DUSP6: variants seen among roughly 807,000 people sequenced by gnomAD.
The protein encoded by DUSP6 is dual specificity protein phosphatase 6.
Under a neutral mutation model 28.0 loss-of-function variants are expected in DUSP6, and 6 were observed. The ratio of observed to expected loss-of-function variants is 0.21; its 90% CI spans 0.12 to 0.42. DUSP6 has a LOEUF of 0.42. Among genes scored for constraint, DUSP6 ranks in the 10% least tolerant of loss-of-function variants. DUSP6 has a pLI of 1.00. For missense variants in DUSP6, 451 were observed against 498.1 expected, an observed-to-expected ratio of 0.91 and a Z score of 0.90; for synonymous variants, 252 against 217.5, an observed-to-expected ratio of 1.16 and a Z score of -1.40.
chr12:89,351,870 G>A lies in DUSP6; in HGVS notation c.170C>T (p.Ala57Val), dbSNP rs1456873830. The change falls in exon 1 of 3, where the codon GCC becomes GTC. Residue 57 changes from alanine to valine, a missense_variant. Physicochemically the swap from Ala to Val is moderately conservative, Grantham distance 64. Around this residue, in one of 2 missense-constraint regions of DUSP6, gnomAD observed 347 missense variants for 346.6 expected, o/e 1.00. Coordinates refer to ENST00000279488, the MANE Select transcript of DUSP6 (RefSeq NM_001946.4). The stretch of plus-strand genomic sequence containing the variant: ...GCGCCGCAGCATGATGCCCGGGATG[G>A]CCACGTTGATGGCCGACTCGATGTG... Reference protein sequence around the residue: ...SSHIESAINVAIPGIMLRRLQ... With the variant: ...SSHIESAINVVIPGIMLRRLQ... 1.2e-6 allele frequency: 2 copies of A among 1,612,486 alleles called. No homozygotes were observed. Among genetic ancestry groups the A allele is most frequent in the Non-Finnish European group, 1.7e-6 (2 of 1,179,870 alleles).
Position 89,352,080 on chromosome 12 carries a change from G to A in DUSP6, c.-41C>T, listed in dbSNP as rs1879222029. 3.8e-6 allele frequency: 6 copies of A among 1,588,374 alleles called. No individual in the cohort carries two copies. The highest frequency in any genetic ancestry group is 5.2e-6 in the Non-Finnish European group (6 of 1,164,228). ...GGAGAGGGCGGGGTGCCTACCAGAC[G>A]CCCCTCGGGGCAGGCATAGGCCGAG... On this transcript the variant is annotated 5_prime_UTR_variant, in exon 1 of 3. Coordinates refer to ENST00000279488, the MANE Select transcript of DUSP6 (RefSeq NM_001946.4).
Position 89,348,327 on chromosome 12 carries a change from C to G in DUSP6, c.*927G>C, listed in dbSNP as rs1354205438. 1.3e-5 allele frequency: 2 copies of G among 152,608 alleles called. No homozygotes were observed. The highest frequency in any genetic ancestry group is 3.8e-4 in the East Asian group (2 of 5,200). The allele number at this position is 152,608 out of a possible 1,614,324, so 9.5% of individuals were successfully genotyped here. A position where few individuals can be genotyped will look rare whatever the true frequency, so the allele number is the denominator to read the frequency against. On this transcript the variant is annotated 3_prime_UTR_variant, in exon 3 of 3. Coordinates refer to ENST00000279488, the MANE Select transcript of DUSP6 (RefSeq NM_001946.4). ...AAGAATTTTATACAGAGGTAATATA[C>G]TGTTTAGCACAGCTGAAGGTTTTTT...
At position 89,349,703 on chromosome 12, in the gene DUSP6, T is replaced by G. The variant is rs1592766311; in HGVS notation, c.839-142A>C. 10 of 619,710 alleles carry G rather than the reference T, an allele frequency of 1.6e-5. No individual in the cohort carries two copies. The South Asian group carries it at 1.9e-4, about 12-fold the overall frequency. The allele number at this position is 619,710 out of a possible 1,614,324, so 38.4% of individuals were successfully genotyped here. A position where few individuals can be genotyped will look rare whatever the true frequency, so the allele number is the denominator to read the frequency against. On this transcript the variant is annotated intron_variant, in intron 2 of 2. Transcript: ENST00000279488. ...TGAGCCCTACAAGCAGCAGAAAATG[T>G]ATCACTGAAATGAAACATGTACACT... is the stretch of plus-strand genomic sequence containing the variant.
intron 2 of DUSP6, 119 bp from the exon 3 acceptor site, chr12:89,349,680 A>G: frequency 1.4e-6 from 1 of 700,882 alleles, no homozygotes; most frequent in East Asian, 2.7e-5. Context: ...GTGGCAGTTG[A>G]GCCCTACAAG....
chr12:89,350,986 C>T lies in DUSP6; in HGVS notation c.440G>A (p.Cys147Tyr). The T allele has an allele frequency of 6.2e-7, 1 of 1,610,128 alleles. No individual in the cohort carries two copies. Among genetic ancestry groups the T allele is most frequent in the South Asian group, 1.1e-5 (1 of 90,858 alleles). Residue 147 changes from cysteine to tyrosine, a missense_variant, in exon 2 of 3, where the codon TGC (cysteine) becomes TAC (tyrosine). Physicochemically the swap from Cys to Tyr is radical, Grantham distance 194. Around this residue, in one of 2 missense-constraint regions of DUSP6, gnomAD observed 347 missense variants for 346.6 expected, o/e 1.00. Coordinates refer to ENST00000279488, the MANE Select transcript of DUSP6 (RefSeq NM_001946.4). ...ACACGAGCCGTCTAGATTGGTCTCG[C>T]AATGCAGGGAGAACTCGGCTTGGAA... is the stretch of plus-strand genomic sequence containing the variant. ...SKFQAEFSLH[C>Y]ETNLDGSCSS...
chr12:89,351,466 T>C, intron 1 of DUSP6, 174 bp downstream of exon 1: 1 of 1,130,878 alleles, frequency 8.8e-7, no homozygotes, highest in Non-Finnish European at 1.2e-6. Context: ...CCCGGTTCTC[T>C]GGTGCGGAAC....
rs1041994699 is a variant in DUSP6, at chr12:89,349,171, C to A, written c.*83G>T. Reference sequence around the variant, plus strand: ...TCATTTTGACACCTGGGGCCACACACAAAGAAAGCAGCCCAGCTGATGCTG... The same window carrying A: ...TCATTTTGACACCTGGGGCCACACAAAAAGAAAGCAGCCCAGCTGATGCTG... On this transcript the variant is annotated 3_prime_UTR_variant, in exon 3 of 3. Coordinates refer to ENST00000279488, the MANE Select transcript of DUSP6 (RefSeq NM_001946.4). 10 of 1,466,640 alleles carry A rather than the reference C, an allele frequency of 6.8e-6. No homozygotes were observed. Among genetic ancestry groups the A allele is most frequent in the Middle Eastern group, 2.5e-4 (1 of 4,070 alleles). 90.9% of individuals were successfully genotyped at this position (1,466,640 alleles called of 1,614,324 possible).
At chr12:89,350,461 T>C (rs1016367754) in intron 2 of DUSP6, 127 bp downstream of exon 2, 32 of 951,628 alleles carry the variant, frequency 3.4e-5, no homozygotes, top group Non-Finnish European at 4.5e-5. Context: ...AAGGACGCTC[T>C]AGGAACATTA....
rs2120509748 is a variant in DUSP6 at position 89,352,400 on chromosome 12, A to G, written c.-361T>C. 4.2e-6 allele frequency: 1 copy of G among 238,200 alleles called. No homozygotes were observed. The highest frequency in any genetic ancestry group is 9.0e-5 in the East Asian group (1 of 11,122). 14.8% of individuals were successfully genotyped at this position (238,200 alleles called of 1,614,324 possible). On this transcript the variant is annotated 5_prime_UTR_variant, in exon 1 of 3. Transcript: ENST00000279488. ...CCCTCCCTCCAAGGCTGCACCTCAAATCTACCCGGGCGTCTTTCTCCCCGG... is the reference window on the plus strand; with the variant it reads ...CCCTCCCTCCAAGGCTGCACCTCAAGTCTACCCGGGCGTCTTTCTCCCCGG...
At chr12:89,349,620 G>A in intron 2 of DUSP6, 59 bp from the exon 3 acceptor site, 1 of 1,366,418 alleles carries the variant, frequency 7.3e-7, no homozygotes, top group Non-Finnish European at 1.0e-6. Context: ...CTTTGTGAAT[G>A]ATCAGTCTAA....
chr12:89,347,577 A>T lies in DUSP6; in HGVS notation c.*1677T>A, dbSNP rs1019789722. The T allele has an allele frequency of 6.6e-6, 1 of 152,222 alleles. No individual in the cohort carries two copies. 9.4% of individuals were successfully genotyped at this position (152,222 alleles called of 1,614,324 possible). On this transcript the variant is annotated 3_prime_UTR_variant, in exon 3 of 3. Coordinates refer to ENST00000279488, the MANE Select transcript of DUSP6 (RefSeq NM_001946.4). ...CTGGATTCAGCATTCTCACACTAGG[A>T]TATCTGCAGGTAGAATTGCCCATGA...
In DUSP6 at chr12:89,351,951, C is replaced by A; in HGVS notation, c.89G>T (p.Gly30Val). The change falls in exon 1 of 3, where the codon GGC becomes GTC. Residue 30 changes from glycine (G) to valine (V), a missense_variant. Physicochemically the swap from Gly to Val is moderately radical, Grantham distance 109 (BLOSUM62 -3). Around this residue, in one of 2 missense-constraint regions of DUSP6, gnomAD observed 347 missense variants for 346.6 expected, o/e 1.00. Transcript: ENST00000279488. The part of the protein sequence containing the change: ...VAWLNEQLEL[G>V]NERLLLMDCR... ...GTCCATCAGCAGCAGCCGCTCGTTG[C>A]CCAGCTCCAGCTGCTCGTTGAGCCA... 6.2e-7 allele frequency: 1 copy of A among 1,613,046 alleles called. No homozygotes were observed. The highest frequency in any genetic ancestry group is 1.1e-5 in the South Asian group (1 of 91,086).
rs373643334 is a variant in DUSP6, at chr12:89,351,035, C to T, written c.401-10G>A. The T allele has an allele frequency of 1.3e-6, 2 of 1,570,274 alleles. No individual in the cohort carries two copies. Among genetic ancestry groups the T allele is most frequent in the Non-Finnish European group, 8.6e-7 (1 of 1,162,256 alleles). ...AACTTACTGAAGCCACCTGCCAGAA[C>T]GAGAAAAGCAATCATCTAACCTGAG... On this transcript the variant is annotated splice_polypyrimidine_tract_variant and intron_variant, in intron 1 of 2. Coordinates refer to ENST00000279488, the MANE Select transcript of DUSP6 (RefSeq NM_001946.4).
rs1014339213 is a variant in DUSP6, at chr12:89,351,600, C to T, written c.400+40G>A. On this transcript the variant is annotated intron_variant, in intron 1 of 2. Coordinates refer to ENST00000279488, the MANE Select transcript of DUSP6 (RefSeq NM_001946.4). ...CGCGCCCCGCCCGCAGCCCTGCGCC[C>T]CTAGCCCTGCCCCGCGCGCGGAGTT... 12 of 1,554,242 alleles carry T rather than the reference C, an allele frequency of 7.7e-6. No homozygotes were observed. The African/African-American group carries it at 1.2e-4, about 16-fold the overall frequency.
rs1565875408 is a variant in DUSP6 at position 89,351,629 on chromosome 12, TG to T, written c.400+10del. On this transcript the variant is annotated intron_variant, in intron 1 of 2. Transcript: ENST00000279488. ...GCCCTGCCCCGCGCGCGGAGTTCCCTGGGCGCGTACCTTCCAGGTAGAACGC... is the reference window on the plus strand; with the variant it reads ...GCCCTGCCCCGCGCGCGGAGTTCCCTGGCGCGTACCTTCCAGGTAGAACGC... 1 of 1,589,286 alleles carries T rather than the reference TG, an allele frequency of 6.3e-7. No individual in the cohort carries two copies. Among genetic ancestry groups the T allele is most frequent in the Admixed American group, 1.7e-5 (1 of 58,832 alleles).
chr12:89,352,261 C>T lies in DUSP6; in HGVS notation c.-222G>A, dbSNP rs1879231342. The T allele has an allele frequency of 1.6e-6, 1 of 624,996 alleles. No homozygotes were observed. Among genetic ancestry groups the T allele is most frequent in the South Asian group, 2.1e-5 (1 of 48,508 alleles). 38.7% of individuals were successfully genotyped at this position (624,996 alleles called of 1,614,324 possible). Reference sequence around the variant, plus strand: ...CCGCTGGCTCTTAGTGTCAATGAATCTCTCTCAATGAAGCTGCCCAGATAG... The same window carrying T: ...CCGCTGGCTCTTAGTGTCAATGAATTTCTCTCAATGAAGCTGCCCAGATAG... On this transcript the variant is annotated 5_prime_UTR_variant, in exon 1 of 3. Transcript: ENST00000279488.
chr12:89,352,242 G>C lies in DUSP6; in HGVS notation c.-203C>G, dbSNP rs888482227. Reference sequence around the variant, plus strand: ...TCTCTGCACCCAGCTGCAGCCGCTGGCTCTTAGTGTCAATGAATCTCTCTC... The same window carrying C: ...TCTCTGCACCCAGCTGCAGCCGCTGCCTCTTAGTGTCAATGAATCTCTCTC... On this transcript the variant is annotated 5_prime_UTR_variant, in exon 1 of 3. Coordinates refer to ENST00000279488, the MANE Select transcript of DUSP6 (RefSeq NM_001946.4). 1.7e-5 allele frequency: 12 copies of C among 693,618 alleles called. No homozygotes were observed. Among genetic ancestry groups the C allele is most frequent in the Non-Finnish European group, 2.4e-5 (10 of 424,082 alleles). 43.0% of individuals were successfully genotyped at this position (693,618 alleles called of 1,614,324 possible).
intron 1 of DUSP6, chr12:89,351,380 T>C: frequency 1.7e-6 from 1 of 602,410 alleles, no homozygotes; most frequent in Non-Finnish European, 2.8e-6. Flanking sequence ...GAGGATGTTC[T>C]GGCTAAGAAG....
At chr12:89,351,135 C>T (rs2120502438) in intron 1 of DUSP6, 110 bp from the exon 2 acceptor site, 3 of 1,170,004 alleles carry the variant, frequency 2.6e-6, no homozygotes, top group East Asian at 5.1e-5. Flanking sequence ...CTACGAACCC[C>T]CTACATACAG....
Sources: gnomAD v4.1 joint callset for allele counts on GRCh38, gnomAD v4.1.1 for gene constraint, gnomAD v4.1.1 regional missense constraint, MANE v1.5 for transcripts, NCBI Gene and HGNC (gene_info 2026-07-23, HGNC 2026-07-21) for gene names.